The following RELCH variants were observed in gnomAD, a reference collection of about 807,000 sequenced individuals.
The protein encoded by RELCH is RAB11 binding and LisH domain, coiled-coil and HEAT repeat containing, also known as RAB11-binding protein RELCH.
RELCH carries 41 observed loss-of-function variants against 150.3 expected under a neutral mutation model. That is an observed-to-expected ratio of 0.27 (90% confidence interval 0.21 to 0.35). RELCH has a LOEUF of 0.35. Among genes scored for constraint, RELCH ranks in the 10% least tolerant of loss-of-function variants. The pLI is 1.00. For synonymous variants in RELCH, 478 were observed against 531.8 expected, an observed-to-expected ratio of 0.90 and a Z score of 1.39; for missense variants, 1,092 against 1,467.8, an observed-to-expected ratio of 0.74 and a Z score of 4.18.
chr18:62,234,087 T>C (rs1369327960), intron 10 of RELCH, among the ~76,000 whole-genome samples: 1 of 151,976 alleles, frequency 6.6e-6, no homozygotes, highest in African/African-American at 2.4e-5. Flanking sequence ...CCATTTATAA[T>C]AAAATGAAAT....
Position 62,187,769 on chromosome 18 carries a change from C to T in RELCH, c.264C>T (p.Thr88=). The T allele has an allele frequency of 6.2e-7, 1 of 1,609,592 alleles. No individual in the cohort carries two copies. Among genetic ancestry groups the T allele is most frequent in the Non-Finnish European group, 8.5e-7 (1 of 1,177,870 alleles). The part of the protein sequence containing the change: ...AAVALGGTGE[T]PARLSIDAIA... The stretch of plus-strand genomic sequence containing the variant: ...TGGCCCTGGGGGGCACCGGGGAGAC[C>T]CCGGCCCGATTATCAATTGATGCGA... The change falls in exon 1 of 29, where the codon ACC becomes ACT. Residue 88 remains threonine, a synonymous_variant. Coordinates refer to ENST00000644646, the MANE Select transcript of RELCH (RefSeq NM_001346231.2).
At position 62,271,521 on chromosome 18, in the gene RELCH, A is replaced by C. The variant is rs1029614926; in HGVS notation, c.2761-2459A>C. On this transcript the variant is annotated intron_variant, in intron 20 of 28. Coordinates refer to ENST00000644646, the MANE Select transcript of RELCH (RefSeq NM_001346231.2). ...CAGATGAGTAGATTGCAAAAATTTT[A>C]TCCCATTCTGTAGGTTGCCTGTTCA... Among the ~76,000 whole-genome samples, 18 of 152,078 alleles carry C rather than the reference A, an allele frequency of 1.2e-4. No homozygotes were observed. The East Asian group carries it at 2.9e-3, about 25-fold the overall frequency.
chr18:62,229,669 A>G (rs1224192429), intron 8 of RELCH, among the ~76,000 whole-genome samples: 1 of 152,112 alleles, frequency 6.6e-6, no homozygotes, highest in Non-Finnish European at 1.5e-5. Context: ...CTTTGGGAAC[A>G]TGTAATCAAG....
chr18:62,221,152 T>A (rs1228502888), intron 3 of RELCH, 44 bp downstream of exon 3: 1 of 1,596,818 alleles, frequency 6.3e-7, no homozygotes, highest in Admixed American at 1.7e-5. Flanking sequence ...ACTTTGACAA[T>A]GTAGAAGTAG....
At position 62,280,536 on chromosome 18, in the gene RELCH, T is replaced by G. The variant is rs1408269005; in HGVS notation, c.3051-110T>G. 35 of 1,309,524 alleles carry G rather than the reference T, an allele frequency of 2.7e-5. No individual in the cohort carries two copies. In the South Asian group the frequency reaches 4.1e-4, roughly 15 times the overall value. 81.1% of individuals were successfully genotyped at this position (1,309,524 alleles called of 1,614,324 possible). A position where few individuals can be genotyped will look rare whatever the true frequency, so the allele number is the denominator to read the frequency against. ...TTTTTAAATTTATTTAATTTGTCATTGCTAGAGACTAATACAGTATATTTA... is the reference window on the plus strand; with the variant it reads ...TTTTTAAATTTATTTAATTTGTCATGGCTAGAGACTAATACAGTATATTTA... On this transcript the variant is annotated intron_variant, in intron 23 of 28. Coordinates refer to ENST00000644646, the MANE Select transcript of RELCH (RefSeq NM_001346231.2).
intron 15 of RELCH, among the ~76,000 whole-genome samples, chr18:62,258,964 T>C (rs1305880476): frequency 6.6e-6 from 1 of 152,008 alleles, no homozygotes; most frequent in African/African-American, 2.4e-5. Context: ...TCTTGACCCT[T>C]CTGAGTACTT....
At chr18:62,203,451 G>C (rs2039577367) in intron 1 of RELCH, among the ~76,000 whole-genome samples, 1 of 151,866 alleles carries the variant, frequency 6.6e-6, no homozygotes, top group Admixed American at 6.5e-5. Context: ...GTGAGACTCT[G>C]TCTCAAAAAA....
chr18:62,280,235 G>A, intron 23 of RELCH: 1 of 723,024 alleles, frequency 1.4e-6, no homozygotes, highest in Non-Finnish European at 2.4e-6. Flanking sequence ...ACATTTTAAT[G>A]TCTCGTGTGG....
At chr18:62,203,722 T>C (rs1319320039) in intron 1 of RELCH, among the ~76,000 whole-genome samples, 1 of 152,276 alleles carries the variant, frequency 6.6e-6, no homozygotes, top group South Asian at 2.1e-4. Flanking sequence ...ACAATACATA[T>C]GTGATCCCAG....
intron 2 of RELCH, among the ~76,000 whole-genome samples, chr18:62,219,325 C>CTTTTTTTT (rs202196452): frequency 6.0e-3 from 676 of 112,434 alleles, no homozygotes; most frequent in Non-Finnish European, 7.1e-3. Context: ...TTCTTTTTTT[C>CTTTTTTTT]TTTTTTTTTT....
intron 2 of RELCH, among the ~76,000 whole-genome samples, chr18:62,211,983 A>G (rs1465474119): frequency 6.6e-6 from 1 of 152,164 alleles, no homozygotes; most frequent in Non-Finnish European, 1.5e-5. Context: ...GCCCATCCCA[A>G]TAAGAAGGAC....
chr18:62,294,934 C>T (rs544351600), intron 27 of RELCH, among the ~76,000 whole-genome samples: 4 of 152,206 alleles, frequency 2.6e-5, no homozygotes, highest in East Asian at 3.9e-4. Context: ...AGTGTATGTA[C>T]GTGCCTGTTA....
intron 16 of RELCH, among the ~76,000 whole-genome samples, chr18:62,262,591 G>A (rs1312783044): frequency 6.6e-6 from 1 of 151,926 alleles, no homozygotes; most frequent in Non-Finnish European, 1.5e-5. Context: ...TGAATGGTGT[G>A]GAGTTAATTT....
intron 5 of RELCH, among the ~76,000 whole-genome samples, chr18:62,226,755 A>G (rs576986150): frequency 6.6e-6 from 1 of 152,294 alleles, no homozygotes; most frequent in South Asian, 2.1e-4. Flanking sequence ...AATTAAACCT[A>G]TTGATCTAGA....
chr18:62,197,973 T>C (rs2039160737), intron 1 of RELCH, among the ~76,000 whole-genome samples: 1 of 152,222 alleles, frequency 6.6e-6, no homozygotes, highest in South Asian at 2.1e-4. Context: ...TGCCACTTAC[T>C]AGCTCTTTCA....
At position 62,228,505 on chromosome 18, in the gene RELCH, A is replaced by G. The variant is rs371167597; in HGVS notation, c.1355A>G (p.Asn452Ser). 53 of 1,613,126 alleles carry G rather than the reference A, an allele frequency of 3.3e-5. No individual in the cohort carries two copies. Among genetic ancestry groups the G allele is most frequent in the Non-Finnish European group, 4.2e-5 (50 of 1,179,552 alleles). ...GCTGATTCCACTATTCCTAAAGAGA[A>G]TTCCCCAAATTCATTCCCCAGGAGA... ...DEADSTIPKE[N>S]SPNSFPRRER... Residue 452 changes from asparagine (N) to serine (S), a missense_variant, in exon 8 of 29, where the codon AAT becomes AGT. Around this residue, in one of 4 missense-constraint regions of RELCH, gnomAD observed 707 missense variants for 1,025.4 expected, o/e 0.69. Transcript: ENST00000644646.
At chr18:62,259,313 G>C (rs2043142207) in intron 15 of RELCH, among the ~76,000 whole-genome samples, 1 of 151,750 alleles carries the variant, frequency 6.6e-6, no homozygotes, top group Non-Finnish European at 1.5e-5. Flanking sequence ...ATGCTGCTGG[G>C]TTAGCGTTTG....
intron 1 of RELCH, among the ~76,000 whole-genome samples, chr18:62,196,529 C>T (rs2148206053): frequency 6.6e-6 from 1 of 152,330 alleles, no homozygotes; most frequent in East Asian, 1.9e-4. Context: ...TGCGCCCGGC[C>T]CCATCACAAC....
At chr18:62,239,453 T>A (rs2042034122) in intron 10 of RELCH, among the ~76,000 whole-genome samples, 1 of 152,044 alleles carries the variant, frequency 6.6e-6, no homozygotes. Context: ...GTACACTATC[T>A]ACAGACCAAC....
Sources: gnomAD v4.1 joint callset for allele counts (sites outside exome capture counted in the v4.1 genomes callset) on GRCh38, gnomAD v4.1.1 for gene constraint, gnomAD v4.1.1 regional missense constraint, MANE v1.5 for transcripts, NCBI Gene and HGNC (gene_info 2026-07-23, HGNC 2026-07-21) for gene names.